Variants in ZNF57 observed in about 807,000 individuals in gnomAD.
ZNF57 encodes the protein zinc finger protein 57, also known as zinc finger protein 424.
In ZNF57, 11 loss-of-function variants were observed where a neutral mutation model predicts 13.4. That is an observed-to-expected ratio of 0.82 (90% CI 0.52 to 1.36). The LOEUF (loss-of-function observed/expected upper bound fraction) is 1.36, where lower values mean the gene tolerates loss of function less well. ZNF57 is among the 40% of genes most tolerant of loss of function. The pLI, the probability that ZNF57 is intolerant of heterozygous loss-of-function variation, is 0.00. For missense variants in ZNF57, 696 were observed against 667.5 expected, an observed-to-expected ratio of 1.04 and a Z score of -0.47; for synonymous variants, 224 against 238.5, an observed-to-expected ratio of 0.94 and a Z score of 0.56.
Position 2,918,423 on chromosome 19 carries a change from A to C in ZNF57, c.*134A>C. On this transcript the variant is annotated 3_prime_UTR_variant, in exon 4 of 4. Coordinates refer to ENST00000306908, the MANE Select transcript of ZNF57 (RefSeq NM_173480.3). ...AATACCTCATTTGTAAAACAGACCC[A>C]TTAGTCGTGAATTTCCAGCTCTTTC... is the stretch of plus-strand genomic sequence containing the variant. 1 of 950,634 alleles carries C rather than the reference A, an allele frequency of 1.1e-6. No individual in the cohort carries two copies. The highest frequency in any genetic ancestry group is 1.5e-6 in the Non-Finnish European group (1 of 657,352). The allele number at this position is 950,634 out of a possible 1,614,324, so 58.9% of individuals were successfully genotyped here. A position where few individuals can be genotyped will look rare whatever the true frequency, so the allele number is the denominator to read the frequency against.
Position 2,917,693 on chromosome 19 carries a change from C to T in ZNF57, c.1072C>T (p.His358Tyr). 6.2e-7 allele frequency: 1 copy of T among 1,613,904 alleles called. No homozygotes were observed. Among genetic ancestry groups the T allele is most frequent in the South Asian group, 1.1e-5 (1 of 91,042 alleles). ...SRSFQGHLRTHTGEKPYECKQ... is the reference protein window; with the variant it reads ...SRSFQGHLRTYTGEKPYECKQ... ...ATCATTCCAAGGTCATTTGAGGACG[C>T]ACACTGGAGAGAAACCTTATGAGTG... is the stretch of plus-strand genomic sequence containing the variant. The change falls in exon 4 of 4, where the codon CAC becomes TAC. Residue 358 changes from histidine (H) to tyrosine (Y), a missense_variant. Transcript: ENST00000306908.
At chr19:2,903,037 T>C (rs6510719) in intron 1 of ZNF57, among the ~76,000 whole-genome samples, 122,085 of 152,124 alleles carry the variant, frequency 0.8, 49,808 homozygotes, top group Non-Finnish European at 0.88. Context: ...CAGCCTCCAC[T>C]TGCTCAGTCC....
chr19:2,909,957 CTT>C lies in ZNF57; in HGVS notation c.4-5562_4-5561del, dbSNP rs1373596063. Among the ~76,000 whole-genome samples the C allele has an allele frequency of 2.1e-4, 9 of 42,924 alleles. 3 individuals are homozygous for C. The highest frequency in any genetic ancestry group is 4.5e-4 in the African/African-American group (9 of 20,124). 28.2% of individuals were successfully genotyped at this position (42,924 alleles called of 152,430 possible). ...TCAATACTGTGTTGGTATTTTGAGT[CTT>C]TTACCTCTCCATATAAACTTTACAA... On this transcript the variant is annotated intron_variant, in intron 1 of 3. Transcript: ENST00000306908.
chr19:2,917,819 G>C lies in ZNF57; in HGVS notation c.1198G>C (p.Ala400Pro), dbSNP rs140956395. 3.1e-4 allele frequency: 492 copies of C among 1,604,250 alleles called. 1 individual carries two copies. The African/African-American group carries it at 5.9e-3, about 19-fold the overall frequency. The change falls in exon 4 of 4, where the codon GCT becomes CCT. Residue 400 changes from alanine (A) to proline (P), a missense_variant. Transcript: ENST00000306908. ...QLYKCEQCGK[A>P]FTSSRSFRGH... ...CTATAAATGTGAACAATGTGGGAAG[G>C]CTTTTACCTCTTCCAGATCATTCCG...
Position 2,918,439 on chromosome 19 carries a change from C to T in ZNF57, c.*150C>T. 5 of 815,772 alleles carry T rather than the reference C, an allele frequency of 6.1e-6. No homozygotes were observed. The highest frequency in any genetic ancestry group is 9.2e-6 in the Non-Finnish European group (5 of 543,352). The allele number at this position is 815,772 out of a possible 1,614,324, so 50.5% of individuals were successfully genotyped here. ...AACAGACCCATTAGTCGTGAATTTC[C>T]AGCTCTTTCAAAAATAAATGTTTAT... On this transcript the variant is annotated 3_prime_UTR_variant, in exon 4 of 4. Coordinates refer to ENST00000306908, the MANE Select transcript of ZNF57 (RefSeq NM_173480.3).
At position 2,911,168 on chromosome 19, in the gene ZNF57, T is replaced by C. The variant is rs140749888; in HGVS notation, c.4-4354T>C. On this transcript the variant is annotated intron_variant, in intron 1 of 3. Coordinates refer to ENST00000306908, the MANE Select transcript of ZNF57 (RefSeq NM_173480.3). ...GCCTTAATCTCCTGGGCTCAAGCCA[T>C]CCTGTTACCTCAGCTTCCCAAGTAG... Among the ~76,000 whole-genome samples the C allele has an allele frequency of 2.1e-3, 327 of 152,174 alleles. 1 individual carries two copies. Among genetic ancestry groups the C allele is most frequent in the African/African-American group, 7.5e-3 (313 of 41,542 alleles).
At position 2,917,961 on chromosome 19, in the gene ZNF57, T is replaced by A. The variant is rs140349909; in HGVS notation, c.1340T>A (p.Leu447His). 1.5e-5 allele frequency: 24 copies of A among 1,612,212 alleles called. No homozygotes were observed. The highest frequency in any genetic ancestry group is 1.9e-5 in the Non-Finnish European group (23 of 1,179,644). ...EHVRIHTQEQ[L>H]HKCEHCGKAF... ...GTGAGAATTCACACGCAAGAGCAGC[T>A]CCATAAATGTGAACACTGTGGGAAG... Residue 447 changes from leucine (L) to histidine (H), a missense_variant, in exon 4 of 4, where the codon CTC becomes CAC. Around this residue, in one of 3 missense-constraint regions of ZNF57, gnomAD observed 645 missense variants for 591.5 expected, o/e 1.09. Coordinates refer to ENST00000306908, the MANE Select transcript of ZNF57 (RefSeq NM_173480.3).
intron 1 of ZNF57, among the ~76,000 whole-genome samples, chr19:2,914,549 C>T (rs1169276453): frequency 6.6e-6 from 1 of 152,224 alleles, no homozygotes; most frequent in Non-Finnish European, 1.5e-5. Flanking sequence ...GCCACTGCAC[C>T]CGGCCACTAC....
Position 2,917,258 on chromosome 19 carries a change from C to A in ZNF57, c.637C>A (p.His213Asn). ...QTFQHPRYLS[H>N]HVKTHTAEKT... ...TTTCCAACATCCTCGTTACCTCTCC[C>A]ACCACGTAAAGACTCACACAGCAGA... The change falls in exon 4 of 4, where the codon CAC becomes AAC. Residue 213 changes from histidine (H) to asparagine (N), a missense_variant. Around this residue, in one of 3 missense-constraint regions of ZNF57, gnomAD observed 645 missense variants for 591.5 expected, o/e 1.09. Transcript: ENST00000306908. 6.2e-7 allele frequency: 1 copy of A among 1,614,178 alleles called. No individual in the cohort carries two copies. The highest frequency in any genetic ancestry group is 8.5e-7 in the Non-Finnish European group (1 of 1,180,036).
chr19:2,911,512 G>C (rs867653576), intron 1 of ZNF57, among the ~76,000 whole-genome samples: 1 of 150,456 alleles, frequency 6.6e-6, no homozygotes, highest in South Asian at 2.1e-4. Context: ...CAGCCTGGGC[G>C]ACAGAGGGAG....
chr19:2,914,938 G>A (rs79244979), intron 1 of ZNF57, among the ~76,000 whole-genome samples: 1 of 152,118 alleles, frequency 6.6e-6, no homozygotes, highest in Non-Finnish European at 1.5e-5. Context: ...ACATCCAACA[G>A]TGCTTTCCAA....
rs373436632 is a variant in ZNF57, at chr19:2,916,936, G to A, written c.315G>A (p.Val105=). 1.1e-5 allele frequency: 18 copies of A among 1,580,178 alleles called. No homozygotes were observed. Among genetic ancestry groups the A allele is most frequent in the Non-Finnish European group, 1.5e-5 (18 of 1,163,232 alleles). The change falls in exon 4 of 4, where the codon GTG becomes GTA. Residue 105 remains valine (V), a synonymous_variant. Transcript: ENST00000306908. ...DHHKNLRNHM[V]DRFCTHNEGN... is the part of the protein sequence containing the mutation. ...TCATTTTTAACAGAAATCATATGGT[G>A]GACAGATTCTGTACACATAATGAAG...
intron 1 of ZNF57, among the ~76,000 whole-genome samples, chr19:2,911,824 A>T (rs1386469678): frequency 2.0e-5 from 3 of 151,990 alleles, no homozygotes. Flanking sequence ...CATTCTTAGG[A>T]TTTCCACTTC....
chr19:2,908,303 C>G (rs1238893977), intron 1 of ZNF57, among the ~76,000 whole-genome samples: 1 of 151,978 alleles, frequency 6.6e-6, no homozygotes, highest in Non-Finnish European at 1.5e-5. Context: ...ATAACGTTGA[C>G]TAGAGGTGAG....
At position 2,916,085 on chromosome 19, in the gene ZNF57, G is replaced by C. The variant is rs1279980567; in HGVS notation, c.138G>C (p.Gly46=). ...TTTACTTTTTTGTTGCAGATGATGG[G>C]ACTCAATTTAAAGCCAATGGGTCAG... ...TFRNLASVDD[G]TQFKANGSVS... Residue 46 remains glycine, a synonymous_variant, in exon 3 of 4, where the codon GGG becomes GGC. Transcript: ENST00000306908. 1.9e-6 allele frequency: 3 copies of C among 1,608,498 alleles called. No homozygotes were observed. Among genetic ancestry groups the C allele is most frequent in the Non-Finnish European group, 2.5e-6 (3 of 1,178,132 alleles).
intron 1 of ZNF57, among the ~76,000 whole-genome samples, chr19:2,907,989 T>G (rs2088091198): frequency 6.6e-6 from 1 of 152,196 alleles, no homozygotes. Flanking sequence ...GCTGGGATTA[T>G]GGGCATGAAC....
rs774956449 is a variant in ZNF57, at chr19:2,916,906, GTC to G, written c.303-13_303-12del. On this transcript the variant is annotated splice_polypyrimidine_tract_variant and intron_variant, in intron 3 of 3. Transcript: ENST00000306908. ...TACTAAACATACCATACATAAAAAT[GTC>G]TCTCATTTTTAACAGAAATCATATG... is the stretch of plus-strand genomic sequence containing the variant. 24 of 1,545,718 alleles carry G rather than the reference GTC, an allele frequency of 1.6e-5. No individual in the cohort carries two copies. The highest frequency in any genetic ancestry group is 5.0e-5 in the South Asian group (4 of 79,764).
At position 2,916,911 on chromosome 19, in the gene ZNF57, T is replaced by A; in HGVS notation, c.303-13T>A. On this transcript the variant is annotated splice_polypyrimidine_tract_variant and intron_variant, in intron 3 of 3. Coordinates refer to ENST00000306908, the MANE Select transcript of ZNF57 (RefSeq NM_173480.3). ...AACATACCATACATAAAAATGTCTC[T>A]CATTTTTAACAGAAATCATATGGTG... 6.5e-7 allele frequency: 1 copy of A among 1,549,306 alleles called. No homozygotes were observed. The highest frequency in any genetic ancestry group is 8.7e-7 in the Non-Finnish European group (1 of 1,148,140).
At chr19:2,912,713 A>C (rs916867224) in intron 1 of ZNF57, among the ~76,000 whole-genome samples, 1 of 152,206 alleles carries the variant, frequency 6.6e-6, no homozygotes, top group African/African-American at 2.4e-5. Flanking sequence ...TTTAACTTTT[A>C]AAAAGAACTG....
Sources: allele counts gnomAD v4.1 joint callset (sites outside exome capture counted in the v4.1 genomes callset), GRCh38; gene constraint gnomAD v4.1.1; regional missense constraint gnomAD v4.1.1; transcripts MANE v1.5; gene names NCBI Gene and HGNC (gene_info 2026-07-23, HGNC 2026-07-21).